The following LOC400499 variants were observed in gnomAD, a reference collection of about 807,000 sequenced individuals.
At chr16:11,460,329 A>T in the LOC400499 span, 1 of 1,062,776 alleles carries the variant, frequency 9.4e-7, no homozygotes. Context: ...TAAGACTGAG[A>T]CTGAAGTTCC....
At chr16:11,526,691 T>G in the LOC400499 span, among the ~76,000 whole-genome samples, 3 of 152,204 alleles carry the variant, frequency 2.0e-5, no homozygotes, top group Admixed American at 1.3e-4. Flanking sequence ...TATGTGTGGG[T>G]ACTAGGAAAA....
chr16:11,397,939 T>A, the LOC400499 span, among the ~76,000 whole-genome samples: 1 of 151,932 alleles, frequency 6.6e-6, no homozygotes, highest in African/African-American at 2.4e-5. Context: ...AAGGAATGGA[T>A]GGATGGGTTG....
chr16:11,481,627 T>G, the LOC400499 span, among the ~76,000 whole-genome samples: 1 of 149,628 alleles, frequency 6.7e-6, no homozygotes, highest in East Asian at 2.0e-4. Flanking sequence ...CCAGCCCTAT[T>G]TTATTTTTTA....
At chr16:11,383,674 C>T in the LOC400499 span, 5 of 1,232,180 alleles carry the variant, frequency 4.1e-6, no homozygotes, top group South Asian at 1.6e-4. Context: ...GGGTACGAAT[C>T]CACGGGCACA....
the LOC400499 span, among the ~76,000 whole-genome samples, chr16:11,486,533 G>T: frequency 1.5e-5 from 2 of 132,772 alleles, no homozygotes; most frequent in South Asian, 5.2e-4. Context: ...GATAGATGAT[G>T]GGAGGGTGGG....
chr16:11,389,709 A>G, the LOC400499 span, among the ~76,000 whole-genome samples: 1 of 150,556 alleles, frequency 6.6e-6, no homozygotes, highest in East Asian at 1.9e-4. Flanking sequence ...AAAAAAAAAA[A>G]GATTACAAAA....
the LOC400499 span, among the ~76,000 whole-genome samples, chr16:11,490,026 C>A: frequency 6.6e-6 from 1 of 152,162 alleles, no homozygotes; most frequent in African/African-American, 2.4e-5. Context: ...TCTGGCGGAA[C>A]ACCCACACAG....
the LOC400499 span, among the ~76,000 whole-genome samples, chr16:11,480,538 T>C: frequency 2.0e-5 from 3 of 152,214 alleles, no homozygotes; most frequent in Admixed American, 1.3e-4. Context: ...AAAATGGTTA[T>C]GTAAACTGTG....
the LOC400499 span, among the ~76,000 whole-genome samples, chr16:11,388,874 C>G: frequency 6.6e-6 from 1 of 151,960 alleles, no homozygotes; most frequent in Non-Finnish European, 1.5e-5. Flanking sequence ...GTTGCTTGAG[C>G]TCAGGAGTCT....
chr16:11,376,248 G>A, the LOC400499 span, among the ~76,000 whole-genome samples: 8 of 152,022 alleles, frequency 5.3e-5, no homozygotes, highest in Non-Finnish European at 8.8e-5. Context: ...TGTCATATGC[G>A]CCATATCTAA....
the LOC400499 span, chr16:11,399,253 C>T: frequency 1.0e-6 from 1 of 985,228 alleles, no homozygotes; most frequent in African/African-American, 1.7e-5. Flanking sequence ...TCGGGCCGTT[C>T]CCCTTGCTTT....
At chr16:11,487,680 G>A in the LOC400499 span, among the ~76,000 whole-genome samples, 1 of 152,200 alleles carries the variant, frequency 6.6e-6, no homozygotes, top group Non-Finnish European at 1.5e-5. Flanking sequence ...TAGGTTGAAA[G>A]AGATTCCCTT....
the LOC400499 span, among the ~76,000 whole-genome samples, chr16:11,377,587 T>C: frequency 1.3e-5 from 2 of 152,262 alleles, no homozygotes; most frequent in Non-Finnish European, 2.9e-5. Flanking sequence ...CTTTCGTTCA[T>C]TCTGTTAATG....
chr16:11,396,108 T>C, the LOC400499 span, among the ~76,000 whole-genome samples: 1 of 152,250 alleles, frequency 6.6e-6, no homozygotes, highest in Admixed American at 6.5e-5. Flanking sequence ...GATCTATGCC[T>C]ACGACTATAT....
At chr16:11,515,125 G>A in the LOC400499 span, among the ~76,000 whole-genome samples, 1 of 152,076 alleles carries the variant, frequency 6.6e-6, no homozygotes, top group African/African-American at 2.4e-5. Context: ...GGGCAACATA[G>A]CAAGACATTA....
chr16:11,500,985 C>T, the LOC400499 span: 276,674 of 398,694 alleles, frequency 0.69, 96,856 homozygotes, highest in Admixed American at 0.78. Context: ...ATCATCAAGG[C>T]GACCCACACG....
chr16:11,388,312 G>A, the LOC400499 span, among the ~76,000 whole-genome samples: 2 of 152,152 alleles, frequency 1.3e-5, no homozygotes, highest in South Asian at 2.1e-4. Flanking sequence ...CCCTTCATCA[G>A]CCTCCATTCT....
chr16:11,379,475 CTA>C, the LOC400499 span, among the ~76,000 whole-genome samples: 1 of 152,244 alleles, frequency 6.6e-6, no homozygotes, highest in Non-Finnish European at 1.5e-5. Context: ...TACTCCTTCT[CTA>C]TCTTATTTCA....
At chr16:11,477,755 T>C in the LOC400499 span, 1 of 397,916 alleles carries the variant, frequency 2.5e-6, no homozygotes, top group East Asian at 3.6e-5. Flanking sequence ...CACCCAGGCC[T>C]CTGCAGCCCT....
Sources: gnomAD v4.1 joint callset for allele counts (sites outside exome capture counted in the v4.1 genomes callset) on GRCh38, gnomAD v4.1.1 for gene constraint, MANE v1.5 for transcripts.